PKNOX2: variants seen among roughly 807,000 people sequenced by gnomAD.
PKNOX2 encodes the protein PBX/knotted 1 homeobox 2, also known as homeobox protein PKNOX2.
Under a neutral mutation model 53.1 loss-of-function variants are expected in PKNOX2, and 14 were observed. The observed-to-expected ratio is 0.26, with a 90% CI of 0.17 to 0.41. The LOEUF (loss-of-function observed/expected upper bound fraction) is 0.41. PKNOX2 is among the 10% of genes least tolerant of loss of function. The pLI is 1.00. For missense variants in PKNOX2, 496 were observed against 602.8 expected (o/e 0.82, Z 1.85); for synonymous variants, 257 against 242.8 (o/e 1.06, Z -0.54).
rs1302326330 is a variant in PKNOX2, at chr11:125,420,888, C to CCCCAG, written c.937-8121_937-8117dup. ...TCACTTGCATCAATCATGGAGTCTT[C>CCCCAG]CCCAGCCTAGTTCTGACCCTGAAAG... On this transcript the variant is annotated intron_variant, in intron 10 of 12. Coordinates refer to ENST00000298282, the MANE Select transcript of PKNOX2 (RefSeq NM_001382323.2). Among the ~76,000 whole-genome samples, 3 of 152,240 alleles carry CCCCAG rather than the reference C, an allele frequency of 2.0e-5. No individual in the cohort carries two copies. In the East Asian group the frequency reaches 5.8e-4, roughly 29 times the overall value.
At chr11:125,264,969 G>A (rs898019225) in intron 2 of PKNOX2, among the ~76,000 whole-genome samples, 2 of 152,156 alleles carry the variant, frequency 1.3e-5, no homozygotes, top group African/African-American at 4.8e-5. Context: ...GGGAAAGCCT[G>A]TGTGAACACC....
intron 6 of PKNOX2, 51 bp downstream of exon 6, chr11:125,385,773 C>T: frequency 1.9e-6 from 3 of 1,566,492 alleles, no homozygotes; most frequent in South Asian, 2.4e-5. Context: ...ACCCTCTGAC[C>T]CCCTTCAAAA....
chr11:125,206,906 T>C (rs1055454744), intron 1 of PKNOX2, among the ~76,000 whole-genome samples: 3 of 151,676 alleles, frequency 2.0e-5, no homozygotes, highest in African/African-American at 4.8e-5. Context: ...GGAAACCAGT[T>C]AGAGACCTCC....
chr11:125,354,562 C>T (rs1056253969), intron 4 of PKNOX2, among the ~76,000 whole-genome samples: 4 of 152,146 alleles, frequency 2.6e-5, no homozygotes, highest in African/African-American at 9.7e-5. Flanking sequence ...AATAATGTTC[C>T]CGTTGTGCTA....
chr11:125,180,455 C>T lies in PKNOX2; in HGVS notation c.-201+15679C>T, dbSNP rs538897833. 6.2e-4 allele frequency among the ~76,000 whole-genome samples: 95 copies of T among 152,328 alleles called. 1 individual carries two copies. Among genetic ancestry groups the T allele is most frequent in the African/African-American group, 2.2e-3 (92 of 41,572 alleles). On this transcript the variant is annotated intron_variant, in intron 1 of 12. Transcript: ENST00000298282. Reference sequence around the variant, plus strand: ...AGGTTCATTCAAAGATGCTTTTTCCCTTACTCTGAAATTGACTCATGGAAT... The same window carrying T: ...AGGTTCATTCAAAGATGCTTTTTCCTTTACTCTGAAATTGACTCATGGAAT...
In PKNOX2 at chr11:125,411,814, G is replaced by A. The variant is rs1332173427; in HGVS notation, c.885G>A (p.Leu295=). ...AGTCCAAGAACAAACGAGGAGTCTT[G>A]CCCAAGCATGCCACCAATATAATGC... ...DKKSKNKRGV[L]PKHATNIMRS... Residue 295 remains leucine, a synonymous_variant, in exon 10 of 13, where the codon TTG becomes TTA. Coordinates refer to ENST00000298282, the MANE Select transcript of PKNOX2 (RefSeq NM_001382323.2). The A allele has an allele frequency of 6.2e-7, 1 of 1,614,120 alleles. No homozygotes were observed. The highest frequency in any genetic ancestry group is 8.5e-7 in the Non-Finnish European group (1 of 1,180,032).
chr11:125,348,181 T>G (rs1951096080), intron 3 of PKNOX2, among the ~76,000 whole-genome samples: 1 of 151,880 alleles, frequency 6.6e-6, no homozygotes, highest in African/African-American at 2.4e-5. Context: ...ATAAGGCGAG[T>G]CAGATCCCCA....
intron 1 of PKNOX2, among the ~76,000 whole-genome samples, chr11:125,214,453 C>T (rs1467477122): frequency 6.6e-6 from 1 of 152,024 alleles, no homozygotes. Flanking sequence ...CTAAGAGTGA[C>T]AGCCAGAGTA....
At chr11:125,316,074 C>T (rs1478325294) in intron 2 of PKNOX2, among the ~76,000 whole-genome samples, 1 of 152,108 alleles carries the variant, frequency 6.6e-6, no homozygotes, top group Non-Finnish European at 1.5e-5. Context: ...GAGGACGGAC[C>T]CAGGGAGTGC....
chr11:125,416,302 C>CAA lies in PKNOX2; in HGVS notation c.936+4461_936+4462dup, dbSNP rs61354494. Among the ~76,000 whole-genome samples, 470 of 69,778 alleles carry CAA rather than the reference C, an allele frequency of 6.7e-3. 1 individual carries two copies. Among genetic ancestry groups the CAA allele is most frequent in the East Asian group, 8.7e-3 (18 of 2,072 alleles). 45.8% of individuals were successfully genotyped at this position (69,778 alleles called of 152,430 possible). On this transcript the variant is annotated intron_variant, in intron 10 of 12. Transcript: ENST00000298282. Reference sequence around the variant, plus strand: ...TGGGCGACAGAGCGAGACGCCGTCTCAAAAAAAAAAAAAAAAAAAAAAAAA... The same window carrying CAA: ...TGGGCGACAGAGCGAGACGCCGTCTCAAAAAAAAAAAAAAAAAAAAAAAAAAA...
intron 1 of PKNOX2, among the ~76,000 whole-genome samples, chr11:125,203,683 C>A (rs546273039): frequency 1.3e-5 from 2 of 152,206 alleles, no homozygotes; most frequent in African/African-American, 4.8e-5. Context: ...GGAGCAGAGT[C>A]AAGCCAGGCT....
At chr11:125,316,481 A>G (rs111621215) in intron 2 of PKNOX2, among the ~76,000 whole-genome samples, 10 of 152,194 alleles carry the variant, frequency 6.6e-5, no homozygotes, top group African/African-American at 2.4e-4. Context: ...CCTGAGGATG[A>G]TCATTCCATT....
At chr11:125,406,668 T>C (rs1184044936) in intron 7 of PKNOX2, among the ~76,000 whole-genome samples, 1 of 152,134 alleles carries the variant, frequency 6.6e-6, no homozygotes, top group Non-Finnish European at 1.5e-5. Flanking sequence ...GGCCTTAGGC[T>C]GGAGGCACAG....
intron 3 of PKNOX2, among the ~76,000 whole-genome samples, chr11:125,349,091 G>C (rs1951152495): frequency 2.0e-5 from 3 of 152,214 alleles, no homozygotes; most frequent in African/African-American, 7.2e-5. Context: ...TCCAGGGAAG[G>C]CTATGTTTAA....
chr11:125,354,762 G>A (rs910985965), intron 4 of PKNOX2, among the ~76,000 whole-genome samples: 5 of 152,190 alleles, frequency 3.3e-5, no homozygotes, highest in Non-Finnish European at 5.9e-5. Flanking sequence ...TATTAAAAAT[G>A]AGGGAGGCTT....
At chr11:125,220,846 A>G (rs1941069277) in intron 1 of PKNOX2, among the ~76,000 whole-genome samples, 1 of 152,166 alleles carries the variant, frequency 6.6e-6, no homozygotes, top group South Asian at 2.1e-4. Flanking sequence ...AAAATCCTAC[A>G]TTCGCCACTG....
At chr11:125,191,804 C>T (rs1956894502) in intron 1 of PKNOX2, among the ~76,000 whole-genome samples, 1 of 152,154 alleles carries the variant, frequency 6.6e-6, no homozygotes. Context: ...CGTTGAAAAG[C>T]GTCACTGGTA....
At chr11:125,188,788 G>A (rs747949578) in intron 1 of PKNOX2, among the ~76,000 whole-genome samples, 6 of 152,060 alleles carry the variant, frequency 3.9e-5, no homozygotes, top group Non-Finnish European at 8.8e-5. Context: ...CTGGAGGTGT[G>A]TAAGATCCTA....
intron 5 of PKNOX2, among the ~76,000 whole-genome samples, chr11:125,380,491 T>G (rs1172784630): frequency 1.3e-5 from 2 of 152,066 alleles, no homozygotes; most frequent in African/African-American, 4.8e-5. Flanking sequence ...AGGTCACATG[T>G]CCTCAGCTCT....
Sources: allele counts gnomAD v4.1 joint callset (sites outside exome capture counted in the v4.1 genomes callset), GRCh38; gene constraint gnomAD v4.1.1; transcripts MANE v1.5; gene names NCBI Gene and HGNC (gene_info 2026-07-23, HGNC 2026-07-21).